TRPS1: variants seen among roughly 807,000 people sequenced by gnomAD.
TRPS1 encodes transcriptional repressor GATA binding 1.
Under a neutral mutation model 101.2 loss-of-function variants are expected in TRPS1, and 6 were observed. The observed-to-expected ratio is 0.06, with a 90% CI of 0.03 to 0.12. The LOEUF (loss-of-function observed/expected upper bound fraction) is 0.12, where lower values mean the gene tolerates loss of function less well. Among genes scored for constraint, TRPS1 ranks in the 10% least tolerant of loss-of-function variants. TRPS1 has a pLI of 1.00. For synonymous variants in TRPS1, 578 were observed against 589.8 expected, an observed-to-expected ratio of 0.98 and a Z score of 0.29; for missense variants, 1,363 against 1,567.0, an observed-to-expected ratio of 0.87 and a Z score of 2.20.
At chr8:115,558,141 T>C (rs370961960) in intron 5 of TRPS1, among the ~76,000 whole-genome samples, 1 of 151,800 alleles carries the variant, frequency 6.6e-6, no homozygotes, top group Non-Finnish European at 1.5e-5. Context: ...TAAAACATTG[T>C]ATATTATTCT....
rs751703170 is a variant in TRPS1, at chr8:115,647,763, T to TA, written c.-122+20781dup. Among the ~76,000 whole-genome samples the TA allele has an allele frequency of 2.4e-3, 364 of 152,310 alleles. 3 individuals are homozygous for TA. The highest frequency in any genetic ancestry group is 3.4e-3 in the Middle Eastern group (1 of 294). On this transcript the variant is annotated intron_variant, in intron 1 of 6. Transcript: ENST00000395715. ...TTTATCACAATTTTAGTTATCTCCA[T>TA]AAAAAATGGGCAATTTTGTTATATT...
chr8:115,527,000 G>C (rs935284739), intron 5 of TRPS1, among the ~76,000 whole-genome samples: 2 of 152,080 alleles, frequency 1.3e-5, no homozygotes, highest in African/African-American at 4.8e-5. Context: ...GTATAACCCT[G>C]TGTTTCTTTC....
chr8:115,590,239 T>C (rs1682106323), intron 4 of TRPS1, among the ~76,000 whole-genome samples: 1 of 152,146 alleles, frequency 6.6e-6, no homozygotes, highest in African/African-American at 2.4e-5. Flanking sequence ...TATTGAGTCA[T>C]GGAAATTAAA....
At chr8:115,446,932 C>A (rs2129909105) in intron 5 of TRPS1, among the ~76,000 whole-genome samples, 1 of 152,204 alleles carries the variant, frequency 6.6e-6, no homozygotes, top group Non-Finnish European at 1.5e-5. Flanking sequence ...TCCTGGTCTA[C>A]AATACTGTTT....
intron 5 of TRPS1, among the ~76,000 whole-genome samples, chr8:115,559,912 C>T (rs1227297260): frequency 6.6e-6 from 1 of 151,978 alleles, no homozygotes; most frequent in African/African-American, 2.4e-5. Flanking sequence ...CCTTTACTAA[C>T]ATTATATACT....
At chr8:115,518,212 T>A (rs1351013595) in intron 5 of TRPS1, among the ~76,000 whole-genome samples, 1 of 151,814 alleles carries the variant, frequency 6.6e-6, no homozygotes, top group African/African-American at 2.4e-5. Context: ...CCAAATGGAA[T>A]GACAATACTA....
At chr8:115,661,282 T>C (rs978332872) in intron 1 of TRPS1, among the ~76,000 whole-genome samples, 1 of 152,086 alleles carries the variant, frequency 6.6e-6, no homozygotes, top group Non-Finnish European at 1.5e-5. Flanking sequence ...GACTTCATAA[T>C]GTAGGTCATG....
intron 5 of TRPS1, among the ~76,000 whole-genome samples, chr8:115,440,690 C>G (rs2129876981): frequency 6.6e-6 from 1 of 152,158 alleles, no homozygotes; most frequent in South Asian, 2.1e-4. Context: ...TTATAAAATA[C>G]AAAATACATT....
At chr8:115,556,718 C>T (rs754052540) in intron 5 of TRPS1, among the ~76,000 whole-genome samples, 1 of 152,140 alleles carries the variant, frequency 6.6e-6, no homozygotes, top group African/African-American at 2.4e-5. Context: ...AATCTGGCAA[C>T]TTAATGAAGT....
intron 1 of TRPS1, among the ~76,000 whole-genome samples, chr8:115,636,677 C>A (rs1159226754): frequency 6.6e-6 from 1 of 152,066 alleles, no homozygotes. Context: ...ACTTTGGGAG[C>A]CTGAGGCAGG....
chr8:115,474,530 A>G (rs1814551155), intron 5 of TRPS1, among the ~76,000 whole-genome samples: 1 of 152,052 alleles, frequency 6.6e-6, no homozygotes. Flanking sequence ...TGTAGCTTAA[A>G]TTTTTTTCTT....
chr8:115,558,955 A>G (rs1310313481), intron 5 of TRPS1, among the ~76,000 whole-genome samples: 1 of 152,158 alleles, frequency 6.6e-6, no homozygotes, highest in African/African-American at 2.4e-5. Context: ...GTTAAGGGGT[A>G]ACATTGCTAT....
At chr8:115,533,057 G>C (rs1816173479) in intron 5 of TRPS1, among the ~76,000 whole-genome samples, 1 of 152,154 alleles carries the variant, frequency 6.6e-6, no homozygotes, top group African/African-American at 2.4e-5. Flanking sequence ...ATTAGTGATT[G>C]ACAGGATATG....
intron 5 of TRPS1, among the ~76,000 whole-genome samples, chr8:115,535,076 A>G (rs551212775): frequency 2.7e-5 from 4 of 148,288 alleles, no homozygotes; most frequent in Non-Finnish European, 4.5e-5. Flanking sequence ...ATATAAGCAT[A>G]TATATAGCAT....
At chr8:115,542,426 C>G (rs1159237275) in intron 5 of TRPS1, among the ~76,000 whole-genome samples, 1 of 151,486 alleles carries the variant, frequency 6.6e-6, no homozygotes, top group Non-Finnish European at 1.5e-5. Flanking sequence ...ATCTTTAAAG[C>G]TATTATACTA....
intron 5 of TRPS1, among the ~76,000 whole-genome samples, chr8:115,496,896 CT>C (rs1815161975): frequency 6.6e-6 from 1 of 152,136 alleles, no homozygotes; most frequent in Admixed American, 6.6e-5. Flanking sequence ...TATTTTTACT[CT>C]TATACACACA....
Position 115,414,798 on chromosome 8 carries a change from T to C in TRPS1, c.3110A>G (p.Gln1037Arg), listed in dbSNP as rs954889865. Reference sequence around the variant, plus strand: ...CATCCTTTTGTGAATATCCAGAGTTTGGCTGACCAGGACTGGCTGCTGAGC... The same window carrying C: ...CATCCTTTTGTGAATATCCAGAGTTCGGCTGACCAGGACTGGCTGCTGAGC... ...HSAQQPVLVS[Q>R]TLDIHKRMQP... Residue 1037 changes from glutamine (Q) to arginine (R), a missense_variant, in exon 7 of 7, where the codon CAA becomes CGA. Physicochemically the swap from Gln to Arg is conservative, Grantham distance 43 (BLOSUM62 1). Coordinates refer to ENST00000395715, the MANE Select transcript of TRPS1 (RefSeq NM_014112.5). The surrounding 1 kb of genome is among the most constrained non-coding windows in gnomAD (Gnocchi z 4.8). The C allele has an allele frequency of 1.2e-6, 2 of 1,613,920 alleles. No individual in the cohort carries two copies. The highest frequency in any genetic ancestry group is 2.7e-5 in the African/African-American group (2 of 74,916).
intron 5 of TRPS1, among the ~76,000 whole-genome samples, chr8:115,428,582 T>C (rs1331211522): frequency 1.3e-5 from 2 of 152,074 alleles, no homozygotes; most frequent in African/African-American, 4.8e-5. Flanking sequence ...TTCAAAACAG[T>C]TAAAAGAGTT....
At chr8:115,583,359 A>G (rs950942743) in intron 5 of TRPS1, among the ~76,000 whole-genome samples, 2 of 128,834 alleles carry the variant, frequency 1.6e-5, no homozygotes, top group Admixed American at 8.1e-5. Flanking sequence ...AGAAACATCT[A>G]TTGGAATATA....
Sources: gnomAD v4.1 joint callset for allele counts (sites outside exome capture counted in the v4.1 genomes callset) on GRCh38, gnomAD v4.1.1 for gene constraint, Gnocchi (gnomAD v3.1) non-coding constraint, MANE v1.5 for transcripts, NCBI Gene and HGNC (gene_info 2026-07-23, HGNC 2026-07-21) for gene names.